STAM: variants seen among roughly 807,000 people sequenced by gnomAD.
The protein encoded by STAM is signal transducing adaptor molecule.
STAM carries 16 observed loss-of-function variants against 63.4 expected under a neutral mutation model. The observed-to-expected ratio is 0.25, with a 90% CI of 0.17 to 0.38. The LOEUF (loss-of-function observed/expected upper bound fraction) is 0.38, where lower values mean the gene tolerates loss of function less well. Ranked by LOEUF, STAM falls within the 10% of genes least tolerant of loss-of-function variation. STAM has a pLI of 1.00. For missense variants in STAM, 636 were observed against 657.1 expected (o/e 0.97, Z 0.35); for synonymous variants, 238 against 223.9 (o/e 1.06, Z -0.56).
At chr10:17,645,975 A>T (rs545049072) in intron 1 of STAM, among the ~76,000 whole-genome samples, 1 of 152,342 alleles carries the variant, frequency 6.6e-6, no homozygotes, top group East Asian at 1.9e-4. Context: ...CTTTGTGAAC[A>T]CATATTTGCA....
At position 17,684,763 on chromosome 10, in the gene STAM, A is replaced by G. The variant is rs371255096; in HGVS notation, c.201+13A>G. 1 of 1,613,754 alleles carries G rather than the reference A, an allele frequency of 6.2e-7. No individual in the cohort carries two copies. The highest frequency in any genetic ancestry group is 2.2e-5 in the East Asian group (1 of 44,870). On this transcript the variant is annotated intron_variant, in intron 3 of 13. Coordinates refer to ENST00000377524, the MANE Select transcript of STAM (RefSeq NM_003473.4). ...GCAGGCTTTGACTGTGAGTGGTTTC[A>G]TTTTAATCTGTACCACGAAATTACC...
chr10:17,653,291 A>C (rs1554821730), intron 1 of STAM, among the ~76,000 whole-genome samples: 3 of 152,242 alleles, frequency 2.0e-5, no homozygotes, highest in African/African-American at 7.2e-5. Context: ...TTCCGCGATA[A>C]AAACTGGAAA....
chr10:17,696,375 A>G (rs1181329204), intron 7 of STAM, among the ~76,000 whole-genome samples: 1 of 152,004 alleles, frequency 6.6e-6, no homozygotes, highest in Non-Finnish European at 1.5e-5. Context: ...GAAAAAAAAA[A>G]CCTTGCTGCT....
At chr10:17,712,552 A>C (rs1285784442) in intron 13 of STAM, among the ~76,000 whole-genome samples, 4 of 152,234 alleles carry the variant, frequency 2.6e-5, no homozygotes, top group African/African-American at 9.6e-5. Context: ...ATTTCCCAAC[A>C]ATAGATTTAT....
At chr10:17,709,276 A>T (rs1836448079) in intron 13 of STAM, among the ~76,000 whole-genome samples, 1 of 152,174 alleles carries the variant, frequency 6.6e-6, no homozygotes, top group African/African-American at 2.4e-5. Context: ...ATGTTTAGTG[A>T]CTATAATTTG....
intron 1 of STAM, among the ~76,000 whole-genome samples, chr10:17,655,327 T>C (rs547940582): frequency 6.6e-6 from 1 of 152,340 alleles, no homozygotes; most frequent in African/African-American, 2.4e-5. Flanking sequence ...GTTTGGATCT[T>C]TGTATTAATT....
intron 12 of STAM, among the ~76,000 whole-genome samples, chr10:17,706,369 C>CCTTTTTTTTTTTTTTTTTTTTTTT (rs1564570967): frequency 1.4e-5 from 1 of 70,184 alleles, no homozygotes; most frequent in Admixed American, 2.1e-4. Flanking sequence ...GGTTGAGGCC[C>CCTTTTTTTTTTTTTTTTTTTTTTT]TTTTTTTTTT....
intron 12 of STAM, among the ~76,000 whole-genome samples, chr10:17,708,505 G>A (rs1239497725): frequency 2.0e-5 from 3 of 152,194 alleles, no homozygotes; most frequent in Non-Finnish European, 4.4e-5. Context: ...TGTAAAGGGA[G>A]ATTAGTATAA....
intron 1 of STAM, among the ~76,000 whole-genome samples, chr10:17,652,940 T>G (rs1833795748): frequency 6.6e-6 from 1 of 152,210 alleles, no homozygotes; most frequent in Admixed American, 6.5e-5. Context: ...ATAAATAATT[T>G]GACTAGTCTT....
In STAM at chr10:17,716,045, G is replaced by C. The variant is rs1164877964; in HGVS notation, c.*1265G>C. The C allele has an allele frequency of 6.6e-6, 1 of 152,386 alleles. No homozygotes were observed. The highest frequency in any genetic ancestry group is 1.5e-5 in the Non-Finnish European group (1 of 67,970). The allele number at this position is 152,386 out of a possible 1,614,324, so 9.4% of individuals were successfully genotyped here. A position where few individuals can be genotyped will look rare whatever the true frequency, so the allele number is the denominator to read the frequency against. On this transcript the variant is annotated 3_prime_UTR_variant, in exon 14 of 14. Transcript: ENST00000377524. ...TTCTTACTTGGGAATATTTTCAAAT[G>C]AATGCTTTTCTTTTAATTCATGCGA...
intron 12 of STAM, among the ~76,000 whole-genome samples, chr10:17,706,950 A>G (rs566169103): frequency 2.0e-5 from 3 of 152,354 alleles, no homozygotes; most frequent in East Asian, 1.9e-4. Flanking sequence ...AACAAAATAT[A>G]TTTCCATAAT....
rs370210413 is a variant in STAM, at chr10:17,708,772, G to A, written c.1210-4G>A. 4.9e-5 allele frequency: 78 copies of A among 1,603,192 alleles called. No individual in the cohort carries two copies. The highest frequency in any genetic ancestry group is 5.9e-5 in the Non-Finnish European group (69 of 1,173,068). On this transcript the variant is annotated splice_region_variant and splice_polypyrimidine_tract_variant and intron_variant, in intron 12 of 13. Transcript: ENST00000377524. ...TGAATATGATTTCTCTTTAACCATC[G>A]CAGGTGTATGCAGGGCCTCCTCCAA...
At chr10:17,691,560 G>A (rs1226115716) in intron 5 of STAM, among the ~76,000 whole-genome samples, 1 of 152,094 alleles carries the variant, frequency 6.6e-6, no homozygotes, top group Admixed American at 6.5e-5. Context: ...TTGACAACAC[G>A]AAATCCAGTT....
intron 1 of STAM, among the ~76,000 whole-genome samples, chr10:17,650,216 C>T (rs1173642144): frequency 3.3e-5 from 5 of 152,164 alleles, no homozygotes; most frequent in Non-Finnish European, 7.4e-5. Context: ...TAAATTGCAC[C>T]TGCAGCATTT....
intron 1 of STAM, among the ~76,000 whole-genome samples, chr10:17,659,062 C>T (rs1438681924): frequency 3.9e-5 from 6 of 151,946 alleles, no homozygotes; most frequent in Admixed American, 3.9e-4. Context: ...AAGCAGTTTG[C>T]ATGATTCCAT....
intron 4 of STAM, among the ~76,000 whole-genome samples, chr10:17,686,363 T>C (rs1191330079): frequency 6.6e-6 from 1 of 151,736 alleles, no homozygotes; most frequent in East Asian, 1.9e-4. Context: ...GGTTTTGTAC[T>C]TAATAACATC....
At chr10:17,711,111 G>T (rs1158263145) in intron 13 of STAM, among the ~76,000 whole-genome samples, 2 of 152,238 alleles carry the variant, frequency 1.3e-5, no homozygotes, top group Middle Eastern at 3.4e-3. Flanking sequence ...GAGGATTGTT[G>T]TTGTTTTTGG....
chr10:17,655,369 C>A (rs1479732014), intron 1 of STAM, among the ~76,000 whole-genome samples: 3 of 152,068 alleles, frequency 2.0e-5, no homozygotes, highest in Admixed American at 1.3e-4. Flanking sequence ...TGTGAATAAC[C>A]TGCTTTTGCT....
chr10:17,696,078 C>T (rs2131661434), intron 7 of STAM: 1 of 152,258 alleles, frequency 6.6e-6, no homozygotes, highest in Non-Finnish European at 1.5e-5. Context: ...TTTCCAAAGT[C>T]CCCACCTTCT....
Sources: gnomAD v4.1 joint callset for allele counts (sites outside exome capture counted in the v4.1 genomes callset) on GRCh38, gnomAD v4.1.1 for gene constraint, MANE v1.5 for transcripts, NCBI Gene and HGNC (gene_info 2026-07-23, HGNC 2026-07-21) for gene names.